Variants in LPP observed in about 807,000 individuals in gnomAD.
LPP encodes LIM domain containing preferred translocation partner in lipoma.
LPP carries 38 observed loss-of-function variants against 60.4 expected under a neutral mutation model. The observed-to-expected ratio is 0.63, with a 90% CI of 0.49 to 0.83. The LOEUF (loss-of-function observed/expected upper bound fraction) is 0.83. Among genes scored for constraint, LPP ranks in the 40% least tolerant of loss-of-function variants. The pLI, the probability that LPP is intolerant of heterozygous loss-of-function variation, is 0.00. For missense variants in LPP, 902 were observed against 783.6 expected, an observed-to-expected ratio of 1.15 and a Z score of -1.80; for synonymous variants, 328 against 290.8, an observed-to-expected ratio of 1.13 and a Z score of -1.30.
chr3:188,252,382 G>C (rs1233433267), intron 2 of LPP, among the ~76,000 whole-genome samples: 1 of 123,052 alleles, frequency 8.1e-6, no homozygotes, highest in Non-Finnish European at 1.6e-5. Flanking sequence ...TCTCTCTCCT[G>C]CTCAACCAAT....
At chr3:188,563,728 G>GTT (rs5855207) in intron 6 of LPP, among the ~76,000 whole-genome samples, 53,249 of 144,720 alleles carry the variant, frequency 0.37, 10,139 homozygotes, top group Middle Eastern at 0.43. Flanking sequence ...GTTTTTTTTT[G>GTT]TTTTTTTTTT....
intron 6 of LPP, among the ~76,000 whole-genome samples, chr3:188,579,323 A>G (rs1296336256): frequency 6.6e-6 from 1 of 152,200 alleles, no homozygotes; most frequent in Non-Finnish European, 1.5e-5. Context: ...CTGGGAAAAA[A>G]GGTCGGAAAG....
chr3:188,203,484 T>A (rs1187368388), intron 1 of LPP, among the ~76,000 whole-genome samples: 1 of 84,516 alleles, frequency 1.2e-5, no homozygotes, highest in Non-Finnish European at 2.1e-5. Context: ...AATATATATA[T>A]ATTTTTAAAT....
At chr3:188,820,798 G>C (rs755090464) in intron 9 of LPP, among the ~76,000 whole-genome samples, 15 of 152,002 alleles carry the variant, frequency 9.9e-5, no homozygotes, top group Admixed American at 3.3e-4. Flanking sequence ...CTACTTCACT[G>C]AGTTCACCAC....
intron 10 of LPP, 143 bp from the exon 11 acceptor site, chr3:188,872,500 A>G (rs1353503016): frequency 1.2e-6 from 1 of 831,102 alleles, no homozygotes; most frequent in Non-Finnish European, 2.0e-6. Flanking sequence ...AAGAACCTCC[A>G]CAGTCCCTGA....
chr3:188,223,539 A>C (rs1047906290), intron 1 of LPP, among the ~76,000 whole-genome samples: 9 of 152,216 alleles, frequency 5.9e-5, no homozygotes, highest in African/African-American at 2.2e-4. Flanking sequence ...GAAAATAAGA[A>C]AAAATTATTA....
At chr3:188,630,199 G>A (rs2148495342) in intron 7 of LPP, among the ~76,000 whole-genome samples, 1 of 152,206 alleles carries the variant, frequency 6.6e-6, no homozygotes, top group East Asian at 1.9e-4. Context: ...TATAGAAAGA[G>A]AGAAAATATT....
chr3:188,816,014 TA>T (rs1284782570), intron 9 of LPP, among the ~76,000 whole-genome samples: 1 of 152,182 alleles, frequency 6.6e-6, no homozygotes, highest in Non-Finnish European at 1.5e-5. Context: ...CAGGTGACTT[TA>T]AAATTTTTCC....
chr3:188,436,873 TG>T (rs1792447883), intron 4 of LPP, among the ~76,000 whole-genome samples: 1 of 151,390 alleles, frequency 6.6e-6, no homozygotes. Context: ...GGGGTTGGGG[TG>T]TGGGGTGGCA....
At chr3:188,595,604 C>T (rs1839836624) in intron 6 of LPP, among the ~76,000 whole-genome samples, 4 of 152,088 alleles carry the variant, frequency 2.6e-5, no homozygotes, top group Non-Finnish European at 1.5e-5. Flanking sequence ...TTTTAGTACC[C>T]CAAATTCTAG....
intron 3 of LPP, among the ~76,000 whole-genome samples, chr3:188,362,743 G>T (rs1769873483): frequency 6.6e-6 from 1 of 152,182 alleles, no homozygotes; most frequent in Non-Finnish European, 1.5e-5. Flanking sequence ...GGTCACTGCG[G>T]AAGAAAATAA....
At chr3:188,592,690 C>A (rs1232705427) in intron 6 of LPP, among the ~76,000 whole-genome samples, 1 of 151,368 alleles carries the variant, frequency 6.6e-6, no homozygotes, top group African/African-American at 2.4e-5. Context: ...GACAGGTGCC[C>A]ACCACCACGC....
intron 8 of LPP, among the ~76,000 whole-genome samples, chr3:188,753,969 T>C (rs186626984): frequency 1.3e-5 from 2 of 152,328 alleles, no homozygotes; most frequent in Admixed American, 6.5e-5. Flanking sequence ...ATAAAAACTC[T>C]TGTATTCACA....
chr3:188,552,795 A>C (rs1411192649), intron 6 of LPP, among the ~76,000 whole-genome samples: 1 of 152,182 alleles, frequency 6.6e-6, no homozygotes, highest in African/African-American at 2.4e-5. Context: ...ATTCAGGCTA[A>C]TCTCCCTGTC....
chr3:188,718,004 A>G (rs2149824632), intron 8 of LPP, among the ~76,000 whole-genome samples: 3 of 152,256 alleles, frequency 2.0e-5, no homozygotes, highest in Middle Eastern at 6.8e-3. Flanking sequence ...TATTTTTAGT[A>G]GAGACGAGGT....
At chr3:188,405,299 T>TA (rs1474028342) in intron 3 of LPP, among the ~76,000 whole-genome samples, 1 of 152,232 alleles carries the variant, frequency 6.6e-6, no homozygotes, top group Non-Finnish European at 1.5e-5. Flanking sequence ...AGGTATCTGT[T>TA]AAAACCCTGT....
At chr3:188,404,984 A>C (rs1783100879) in intron 3 of LPP, among the ~76,000 whole-genome samples, 1 of 152,136 alleles carries the variant, frequency 6.6e-6, no homozygotes, top group Non-Finnish European at 1.5e-5. Flanking sequence ...CTCTCTTCAA[A>C]TATTATATGC....
chr3:188,851,289 T>A (rs1762617546), intron 9 of LPP, among the ~76,000 whole-genome samples: 2 of 152,242 alleles, frequency 1.3e-5, no homozygotes, highest in South Asian at 4.1e-4. Flanking sequence ...TATAATTAAA[T>A]AATTTGTCTT....
chr3:188,670,429 A>G (rs764651214), intron 7 of LPP, among the ~76,000 whole-genome samples: 2 of 151,790 alleles, frequency 1.3e-5, no homozygotes, highest in African/African-American at 4.8e-5. Context: ...GAAAATCAGC[A>G]TAAGAACCCA....
Sources: gnomAD v4.1 joint callset for allele counts (sites outside exome capture counted in the v4.1 genomes callset) on GRCh38, gnomAD v4.1.1 for gene constraint, MANE v1.5 for transcripts, NCBI Gene and HGNC (gene_info 2026-07-23, HGNC 2026-07-21) for gene names.